Variants in BCAS3 observed in about 807,000 individuals in gnomAD.
BCAS3 encodes the protein BCAS4/BCAS3 fusion.
A neutral mutation model predicts 116.1 loss-of-function variants in BCAS3; 53 were observed. The ratio of observed to expected loss-of-function variants is 0.46; its 90% CI spans 0.37 to 0.57. The LOEUF (loss-of-function observed/expected upper bound fraction) is 0.57, where lower values mean the gene tolerates loss of function less well. Ranked by LOEUF, BCAS3 falls within the 20% of genes least tolerant of loss-of-function variation. The pLI, the probability that BCAS3 is intolerant of heterozygous loss-of-function variation, is 0.00. For synonymous variants in BCAS3, 391 were observed against 408.2 expected, an observed-to-expected ratio of 0.96 and a Z score of 0.51; for missense variants, 917 against 1,165.4, an observed-to-expected ratio of 0.79 and a Z score of 3.10.
intron 6 of BCAS3, among the ~76,000 whole-genome samples, chr17:60,754,242 G>A (rs1429469987): frequency 6.6e-6 from 1 of 151,364 alleles, no homozygotes; most frequent in Non-Finnish European, 1.5e-5. Flanking sequence ...ATTTTGCTCT[G>A]TCACCCAAGC....
At chr17:61,183,102 A>G (rs892700834) in intron 22 of BCAS3, among the ~76,000 whole-genome samples, 2 of 152,206 alleles carry the variant, frequency 1.3e-5, no homozygotes, top group African/African-American at 2.4e-5. Context: ...CTTCCTCCCA[A>G]TATTGAAAAT....
At chr17:60,825,545 ATTAT>A (rs57886144) in intron 7 of BCAS3, among the ~76,000 whole-genome samples, 12,760 of 140,612 alleles carry the variant, frequency 0.091, 1,813 homozygotes, top group African/African-American at 0.31. Context: ...TTTATAAATA[ATTAT>A]TTATAATAAT....
At position 60,990,080 on chromosome 17, in the gene BCAS3, G is replaced by C; in HGVS notation, c.1331G>C (p.Arg444Pro). ...CCTTATGGTGGCCAGCCTTGTGTTC[G>C]TACACATATGTCACCACGAGTAGTG... ...INPYGGQPCV[R>P]THMSPRVVNR... Residue 444 changes from arginine to proline, a missense_variant, in exon 15 of 24, where the codon CGT (arginine) becomes CCT (proline). Around this residue, in one of 3 missense-constraint regions of BCAS3, gnomAD observed 807 missense variants for 1,026.0 expected, o/e 0.79. Coordinates refer to ENST00000407086, the MANE Select transcript of BCAS3 (RefSeq NM_017679.5). The surrounding 1 kb of genome is among the most constrained non-coding windows in gnomAD (Gnocchi z 5.1). 6.2e-7 allele frequency: 1 copy of C among 1,614,092 alleles called. No homozygotes were observed. Among genetic ancestry groups the C allele is most frequent in the Non-Finnish European group, 8.5e-7 (1 of 1,180,036 alleles).
chr17:61,350,923 C>T (rs2057800975), intron 22 of BCAS3, among the ~76,000 whole-genome samples: 1 of 152,144 alleles, frequency 6.6e-6, no homozygotes. Flanking sequence ...TGTGAGCCAC[C>T]ATGCCCAGCC....
At chr17:60,700,877 T>C (rs1253850454) in intron 4 of BCAS3, among the ~76,000 whole-genome samples, 1 of 152,074 alleles carries the variant, frequency 6.6e-6, no homozygotes, top group Non-Finnish European at 1.5e-5. Context: ...CATTCTGAAG[T>C]GGGTTTGGGG....
chr17:61,087,191 C>T lies in BCAS3; in HGVS notation c.2425+2627C>T. 1 of 985,566 alleles carries T rather than the reference C, an allele frequency of 1.0e-6. No individual in the cohort carries two copies. Among genetic ancestry groups the T allele is most frequent in the African/African-American group, 1.7e-5 (1 of 57,362 alleles). 61.1% of individuals were successfully genotyped at this position (985,566 alleles called of 1,614,324 possible). On this transcript the variant is annotated intron_variant, in intron 22 of 23. Coordinates refer to ENST00000407086, the MANE Select transcript of BCAS3 (RefSeq NM_017679.5). This position sits in a 1 kb window ranked among gnomAD's most constrained non-coding sequence, Gnocchi z 4.6. ...CCATGCATTGGAGTCAGCTGCACAT[C>T]AGGAAGTTGCTTATCTGGAGGTTTC...
At chr17:61,382,259 C>CTT (rs149187858) in intron 23 of BCAS3, among the ~76,000 whole-genome samples, 2 of 145,446 alleles carry the variant, frequency 1.4e-5, no homozygotes, top group African/African-American at 5.0e-5. Flanking sequence ...TGTTTTTTGG[C>CTT]TTTTTTTTTT....
intron 5 of BCAS3, among the ~76,000 whole-genome samples, chr17:60,736,802 G>A (rs949924481): frequency 6.6e-6 from 1 of 152,038 alleles, no homozygotes; most frequent in Non-Finnish European, 1.5e-5. Flanking sequence ...AAACTTGTGG[G>A]CATAGAGTTG....
chr17:60,727,525 A>G, intron 5 of BCAS3: 2 of 1,363,072 alleles, frequency 1.5e-6, no homozygotes, highest in African/African-American at 1.5e-5. Flanking sequence ...AAAACGAGAA[A>G]TGGCATCTGA....
At chr17:60,683,921 C>A in intron 2 of BCAS3, 61 bp from the exon 3 acceptor site, 1 of 1,383,466 alleles carries the variant, frequency 7.2e-7, no homozygotes, top group Non-Finnish European at 1.0e-6. Context: ...GTAAATAGAG[C>A]TTTTTTCATG....
At position 61,366,259 on chromosome 17, in the gene BCAS3, A is replaced by G. The variant is rs2058726814; in HGVS notation, c.2426-2068A>G. Among the ~76,000 whole-genome samples, 1 of 152,138 alleles carries G rather than the reference A, an allele frequency of 6.6e-6. No homozygotes were observed. Among genetic ancestry groups the G allele is most frequent in the Non-Finnish European group, 1.5e-5 (1 of 68,018 alleles). On this transcript the variant is annotated intron_variant, in intron 22 of 23. Coordinates refer to ENST00000407086, the MANE Select transcript of BCAS3 (RefSeq NM_017679.5). This position sits in a 1 kb window ranked among gnomAD's most constrained non-coding sequence, Gnocchi z 4.5. ...AGAAACGATGATGCTTTAGCACTGT[A>G]GCACTAGATCTTGTCAAATAAGGTC...
intron 13 of BCAS3, among the ~76,000 whole-genome samples, chr17:60,928,493 C>T (rs2145174708): frequency 6.6e-6 from 1 of 152,212 alleles, no homozygotes; most frequent in East Asian, 1.9e-4. Context: ...TCCTTCATGC[C>T]TGTTTAGATA....
rs184731920 is a variant in BCAS3 at position 60,763,902 on chromosome 17, A to G, written c.403+16623A>G. Among the ~76,000 whole-genome samples, 665 of 152,122 alleles carry G rather than the reference A, an allele frequency of 4.4e-3. 4 individuals carry two copies. Among genetic ancestry groups the G allele is most frequent in the Non-Finnish European group, 5.1e-3 (350 of 67,992 alleles). On this transcript the variant is annotated intron_variant, in intron 6 of 23. Coordinates refer to ENST00000407086, the MANE Select transcript of BCAS3 (RefSeq NM_017679.5). Reference sequence around the variant, plus strand: ...TGTTATCGGTCTATTCAGAGATTCAACTTCTTCTTGGTTTAGTGTTGGGAG... The same window carrying G: ...TGTTATCGGTCTATTCAGAGATTCAGCTTCTTCTTGGTTTAGTGTTGGGAG...
intron 22 of BCAS3, among the ~76,000 whole-genome samples, chr17:61,113,768 G>A (rs1484789291): frequency 1.4e-5 from 1 of 69,198 alleles, no homozygotes; most frequent in East Asian, 4.4e-4. Context: ...TACCAAAGCC[G>A]GGCAGAGACA....
chr17:60,800,545 TTTCA>T (rs1477559514), intron 6 of BCAS3, among the ~76,000 whole-genome samples: 1 of 152,214 alleles, frequency 6.6e-6, no homozygotes, highest in Non-Finnish European at 1.5e-5. Flanking sequence ...TAGCTTGTGC[TTTCA>T]TTCTTCTATC....
intron 13 of BCAS3, among the ~76,000 whole-genome samples, chr17:60,941,428 A>G (rs2060217848): frequency 6.6e-6 from 1 of 152,208 alleles, no homozygotes; most frequent in Non-Finnish European, 1.5e-5. Context: ...TCTAGAAGAA[A>G]AAAAAGCTTG....
rs980534019 is a variant in BCAS3 at position 61,354,200 on chromosome 17, C to G, written c.2426-14127C>G. 3.9e-5 allele frequency: 6 copies of G among 152,206 alleles called. No individual in the cohort carries two copies. The highest frequency in any genetic ancestry group is 1.4e-4 in the African/African-American group (6 of 41,442). The allele number at this position is 152,206 out of a possible 1,614,324, so 9.4% of individuals were successfully genotyped here. A position where few individuals can be genotyped will look rare whatever the true frequency, so the allele number is the denominator to read the frequency against. On this transcript the variant is annotated intron_variant, in intron 22 of 23. Transcript: ENST00000407086. The surrounding 1 kb of genome is among the most constrained non-coding windows in gnomAD (Gnocchi z 4.5). ...AGGCAAGTCATTGAACCACCCTGAG[C>G]CTTGGCTTCCTCATCTATGAAATGG...
chr17:61,267,783 T>C (rs578173158), intron 22 of BCAS3, among the ~76,000 whole-genome samples: 1 of 151,972 alleles, frequency 6.6e-6, no homozygotes, highest in Non-Finnish European at 1.5e-5. Context: ...CATGGAATTT[T>C]CCAGAGCAAA....
chr17:61,231,949 G>A (rs1298182700), intron 22 of BCAS3, among the ~76,000 whole-genome samples: 7 of 151,296 alleles, frequency 4.6e-5, no homozygotes, highest in African/African-American at 1.7e-4. Flanking sequence ...GCTCATGCCT[G>A]TAATCCCAGC....
Sources: gnomAD v4.1 joint callset for allele counts (sites outside exome capture counted in the v4.1 genomes callset) on GRCh38, gnomAD v4.1.1 for gene constraint, gnomAD v4.1.1 regional missense constraint, Gnocchi (gnomAD v3.1) non-coding constraint, MANE v1.5 for transcripts, NCBI Gene and HGNC (gene_info 2026-07-23, HGNC 2026-07-21) for gene names.